Variants in GAS7 observed in about 807,000 individuals in gnomAD.
GAS7 encodes the protein growth arrest-specific protein 7.
In GAS7, 28 loss-of-function variants were observed where a neutral mutation model predicts 71.1. The ratio of observed to expected loss-of-function variants is 0.39; its 90% CI spans 0.29 to 0.54. The LOEUF (loss-of-function observed/expected upper bound fraction) is 0.54, where lower values mean the gene tolerates loss of function less well. GAS7 is among the 20% of genes least tolerant of loss of function. The pLI is 0.62. For missense variants in GAS7, 436 were observed against 627.8 expected, an observed-to-expected ratio of 0.69 and a Z score of 3.27; for synonymous variants, 258 against 245.8, an observed-to-expected ratio of 1.05 and a Z score of -0.46.
At chr17:10,084,339 T>C (rs2073491994) in intron 1 of GAS7, among the ~76,000 whole-genome samples, 1 of 152,154 alleles carries the variant, frequency 6.6e-6, no homozygotes, top group Admixed American at 6.5e-5. Context: ...GTGGTCCTAT[T>C]AGAAGTCAAA....
intron 1 of GAS7, among the ~76,000 whole-genome samples, chr17:10,148,747 T>TA (rs1362093256): frequency 6.7e-6 from 1 of 149,912 alleles, no homozygotes; most frequent in Non-Finnish European, 1.5e-5. Context: ...CCATCTCTAC[T>TA]AAAAATACAA....
At chr17:9,956,758 A>C (rs1404457031) in intron 5 of GAS7, among the ~76,000 whole-genome samples, 2 of 152,134 alleles carry the variant, frequency 1.3e-5, no homozygotes, top group Non-Finnish European at 2.9e-5. Flanking sequence ...CAGGCCTGGA[A>C]ATTTCTGCTC....
rs59174282 is a variant in GAS7 at position 9,992,562 on chromosome 17, CTT to C, written c.305-10680_305-10679del. On this transcript the variant is annotated intron_variant, in intron 2 of 13. Transcript: ENST00000432992. ...CAGGGCCTGGCCTCCTTCCCAAAGT[CTT>C]TTTTTTTTTATTGTAATTTTATTTA... Among the ~76,000 whole-genome samples, 736 of 143,778 alleles carry C rather than the reference CTT, an allele frequency of 5.1e-3. 3 individuals are homozygous for C. Among genetic ancestry groups the C allele is most frequent in the Non-Finnish European group, 7.6e-3 (499 of 65,316 alleles). 94.3% of individuals were successfully genotyped at this position (143,778 alleles called of 152,430 possible). A position where few individuals can be genotyped will look rare whatever the true frequency, so the allele number is the denominator to read the frequency against.
chr17:10,107,020 A>G (rs1393911646), intron 1 of GAS7, among the ~76,000 whole-genome samples: 2 of 152,192 alleles, frequency 1.3e-5, no homozygotes, highest in Admixed American at 1.3e-4. Context: ...CCTTACACCA[A>G]GGTGGAAACA....
chr17:9,947,025 T>TGGAATAGCGA, intron 5 of GAS7, 42 bp from the exon 6 acceptor site: 1 of 1,384,968 alleles, frequency 7.2e-7, no homozygotes, highest in Non-Finnish European at 1.0e-6. Context: ...CGCTGGAGAC[T>TGGAATAGCGA]GGAATAGCGA....
At chr17:10,174,245 C>T (rs2074355231) in intron 1 of GAS7, among the ~76,000 whole-genome samples, 1 of 152,158 alleles carries the variant, frequency 6.6e-6, no homozygotes, top group African/African-American at 2.4e-5. Context: ...ATAAAGGAAT[C>T]TTTCTTCTCT....
At chr17:9,993,258 C>T (rs1340624052) in intron 2 of GAS7, among the ~76,000 whole-genome samples, 2 of 152,004 alleles carry the variant, frequency 1.3e-5, no homozygotes, top group African/African-American at 4.8e-5. Context: ...ACATCCTCTC[C>T]AGCACCTGTT....
intron 1 of GAS7, among the ~76,000 whole-genome samples, chr17:10,070,466 C>A (rs934901642): frequency 2.0e-5 from 3 of 151,026 alleles, no homozygotes; most frequent in African/African-American, 7.3e-5. Context: ...CAGGTTCAAG[C>A]GATTCTCCTG....
intron 1 of GAS7, among the ~76,000 whole-genome samples, chr17:10,083,644 T>C (rs2152252576): frequency 6.6e-6 from 1 of 152,344 alleles, no homozygotes; most frequent in African/African-American, 2.4e-5. Context: ...AGAAGAATTT[T>C]ATTGAATGAT....
At chr17:10,005,050 T>TATATATATACACACACAC (rs1296844463) in intron 2 of GAS7, among the ~76,000 whole-genome samples, 15 of 150,078 alleles carry the variant, frequency 1.0e-4, no homozygotes, top group Admixed American at 9.2e-4. Flanking sequence ...TACATATATA[T>TATATATATACACACACAC]ACACATATAT....
chr17:10,104,535 C>G (rs1055278140), intron 1 of GAS7, among the ~76,000 whole-genome samples: 4 of 152,192 alleles, frequency 2.6e-5, no homozygotes, highest in African/African-American at 9.7e-5. Flanking sequence ...GCTCTCCAGA[C>G]CCATGGCCAC....
chr17:9,942,257 G>GA (rs879864780), intron 7 of GAS7, among the ~76,000 whole-genome samples: 166 of 137,484 alleles, frequency 1.2e-3, no homozygotes, highest in African/African-American at 3.1e-3. Context: ...CTGTCTAAAA[G>GA]AAAAAAAAAA....
chr17:10,006,392 C>T (rs982301941), intron 2 of GAS7, among the ~76,000 whole-genome samples: 8 of 134,438 alleles, frequency 6.0e-5, no homozygotes, highest in East Asian at 2.4e-4. Context: ...TGCAGTGGCG[C>T]GATCTCGGCT....
At chr17:10,040,070 C>T (rs1291256730) in intron 1 of GAS7, among the ~76,000 whole-genome samples, 2 of 152,244 alleles carry the variant, frequency 1.3e-5, no homozygotes, top group Admixed American at 6.5e-5. Flanking sequence ...TGAGCACTCA[C>T]TTTGGACCAG....
At position 10,123,073 on chromosome 17, in the gene GAS7, C is replaced by T. The variant is rs971254064; in HGVS notation, c.183+75135G>A. Among the ~76,000 whole-genome samples, 5 of 152,180 alleles carry T rather than the reference C, an allele frequency of 3.3e-5. No homozygotes were observed. The East Asian group carries it at 7.7e-4, about 23-fold the overall frequency. Reference sequence around the variant, plus strand: ...TCTCAAACTCCTGGGCTCAAGCAATCGGCCTGCCTTGGCCTACCCAAAGTG... The same window carrying T: ...TCTCAAACTCCTGGGCTCAAGCAATTGGCCTGCCTTGGCCTACCCAAAGTG... On this transcript the variant is annotated intron_variant, in intron 1 of 13. Transcript: ENST00000432992.
chr17:9,977,356 T>C (rs980840069), intron 3 of GAS7, among the ~76,000 whole-genome samples: 4 of 152,226 alleles, frequency 2.6e-5, no homozygotes, highest in Non-Finnish European at 5.9e-5. Context: ...TGCCCTGTAC[T>C]GTCTTCATTC....
Position 10,110,792 on chromosome 17 carries a change from T to C in GAS7, c.183+87416A>G, listed in dbSNP as rs886888284. Among the ~76,000 whole-genome samples, 7 of 152,164 alleles carry C rather than the reference T, an allele frequency of 4.6e-5. No individual in the cohort carries two copies. In the East Asian group the frequency reaches 1.4e-3, roughly 29 times the overall value. ...CAGCCAGAAGATACAAGTTCTAAAG[T>C]TGGATAGCAGAGCAGAGGGATTATA... On this transcript the variant is annotated intron_variant, in intron 1 of 13. Coordinates refer to ENST00000432992, the MANE Select transcript of GAS7 (RefSeq NM_201433.2).
At chr17:10,181,347 A>G (rs137992045) in intron 1 of GAS7, among the ~76,000 whole-genome samples, 17,620 of 147,268 alleles carry the variant, frequency 0.12, 1,236 homozygotes, top group East Asian at 0.24. Context: ...GTGACAGAGC[A>G]AGACTCCACC....
intron 3 of GAS7, among the ~76,000 whole-genome samples, chr17:9,980,603 C>A (rs531071479): frequency 6.6e-6 from 1 of 152,308 alleles, no homozygotes; most frequent in East Asian, 1.9e-4. Context: ...AAGTCGAAAA[C>A]CAACAAGTGT....
Sources: gnomAD v4.1 joint callset for allele counts (sites outside exome capture counted in the v4.1 genomes callset) on GRCh38, gnomAD v4.1.1 for gene constraint, MANE v1.5 for transcripts, NCBI Gene and HGNC (gene_info 2026-07-23, HGNC 2026-07-21) for gene names.